The following GALNTL6 variants were observed in gnomAD, a reference collection of about 807,000 sequenced individuals.
GALNTL6 encodes polypeptide N-acetylgalactosaminyltransferase-like 6.
GALNTL6 carries 46 observed loss-of-function variants against 73.7 expected under a neutral mutation model. That is an observed-to-expected ratio of 0.62 (90% CI 0.49 to 0.80). The LOEUF is 0.80. GALNTL6 is among the 30% of genes least tolerant of loss of function. The probability of loss-of-function intolerance (pLI) is 0.00; values close to 1 mark genes in which losing one functional copy is unlikely to be tolerated. For missense variants in GALNTL6, 604 were observed against 755.0 expected, an observed-to-expected ratio of 0.80 and a Z score of 2.34; for synonymous variants, 259 against 263.7, an observed-to-expected ratio of 0.98 and a Z score of 0.17.
chr4:172,210,174 T>C (rs1363195943), intron 2 of GALNTL6, among the ~76,000 whole-genome samples: 1 of 152,096 alleles, frequency 6.6e-6, no homozygotes, highest in African/African-American at 2.4e-5. Context: ...TTAAGACACC[T>C]TATTTTTATC....
At chr4:173,035,926 AAGT>A (rs1262952389) in intron 12 of GALNTL6, among the ~76,000 whole-genome samples, 1 of 152,200 alleles carries the variant, frequency 6.6e-6, no homozygotes, top group Non-Finnish European at 1.5e-5. Flanking sequence ...ACTGAAAACA[AAGT>A]AGTGGAAAGG....
chr4:172,231,686 A>G (rs1560981382), intron 3 of GALNTL6, among the ~76,000 whole-genome samples: 1 of 152,288 alleles, frequency 6.6e-6, no homozygotes, highest in East Asian at 1.9e-4. Context: ...TAAAGAAAAT[A>G]TACCCACAGT....
At chr4:172,990,808 A>G (rs899849025) in intron 10 of GALNTL6, among the ~76,000 whole-genome samples, 12 of 152,246 alleles carry the variant, frequency 7.9e-5, no homozygotes, top group Admixed American at 5.2e-4. Flanking sequence ...TAATCATAAA[A>G]TATACTGAGA....
intron 5 of GALNTL6, among the ~76,000 whole-genome samples, chr4:172,596,087 A>G (rs994385532): frequency 9.9e-5 from 15 of 152,156 alleles, no homozygotes; most frequent in Non-Finnish European, 1.9e-4. Context: ...TCTTTTTACT[A>G]ATTTATTCCT....
intron 5 of GALNTL6, among the ~76,000 whole-genome samples, chr4:172,552,837 T>TAAAAAAAAAAAAAAAAAAAA (rs397933315): frequency 1.2e-4 from 10 of 80,408 alleles, no homozygotes; most frequent in African/African-American, 3.5e-4. Flanking sequence ...GTAATTGCAG[T>TAAAAAAAAAAAAAAAAAAAA]AAAAAAAAAA....
chr4:172,626,348 G>C (rs1026179964), intron 5 of GALNTL6, among the ~76,000 whole-genome samples: 1 of 151,866 alleles, frequency 6.6e-6, no homozygotes. Flanking sequence ...TTCATTTCTG[G>C]GTTCTCTATC....
At chr4:171,987,521 G>A (rs1740138970) in intron 2 of GALNTL6, among the ~76,000 whole-genome samples, 1 of 152,160 alleles carries the variant, frequency 6.6e-6, no homozygotes, top group African/African-American at 2.4e-5. Context: ...TTTCTGACTT[G>A]GGGCATGTTG....
At chr4:172,456,272 C>T (rs1182765042) in intron 5 of GALNTL6, among the ~76,000 whole-genome samples, 1 of 151,808 alleles carries the variant, frequency 6.6e-6, no homozygotes, top group African/African-American at 2.4e-5. Flanking sequence ...CTGAAAATTC[C>T]AAAAACCAGA....
chr4:172,240,482 CAACA>C (rs1157469292), intron 3 of GALNTL6, among the ~76,000 whole-genome samples: 133 of 152,188 alleles, frequency 8.7e-4, no homozygotes, highest in Non-Finnish European at 1.5e-3. Context: ...CCACCCACCT[CAACA>C]TCCCAAAGTG....
intron 2 of GALNTL6, among the ~76,000 whole-genome samples, chr4:172,005,100 A>G: frequency 7.7e-6 from 1 of 129,290 alleles, no homozygotes; most frequent in Non-Finnish European, 1.7e-5. Context: ...CTTCTCTTAA[A>G]AAGCTTTTAT....
intron 2 of GALNTL6, among the ~76,000 whole-genome samples, chr4:171,892,077 A>T (rs1736777549): frequency 6.6e-6 from 1 of 152,218 alleles, no homozygotes; most frequent in African/African-American, 2.4e-5. Flanking sequence ...ACTTTGTTTC[A>T]TGCACACAAT....
intron 5 of GALNTL6, among the ~76,000 whole-genome samples, chr4:172,480,496 GTAAC>G (rs2111480660): frequency 6.6e-6 from 1 of 152,270 alleles, no homozygotes; most frequent in South Asian, 2.1e-4. Context: ...TATTTATTAA[GTAAC>G]TACGATGTAA....
At chr4:172,298,083 G>A (rs2111114585) in intron 3 of GALNTL6, among the ~76,000 whole-genome samples, 1 of 152,248 alleles carries the variant, frequency 6.6e-6, no homozygotes, top group East Asian at 1.9e-4. Flanking sequence ...CTTGTAAGTT[G>A]GATTCCTAGG....
At chr4:172,352,159 A>G (rs1427118804) in intron 5 of GALNTL6, among the ~76,000 whole-genome samples, 1 of 152,206 alleles carries the variant, frequency 6.6e-6, no homozygotes, top group African/African-American at 2.4e-5. Context: ...TAATCACAGA[A>G]TAATGCTAAC....
chr4:172,920,040 T>C (rs1490664867), intron 8 of GALNTL6, among the ~76,000 whole-genome samples: 1 of 152,176 alleles, frequency 6.6e-6, no homozygotes, highest in Non-Finnish European at 1.5e-5. Context: ...TAGAAACTCA[T>C]TAAATGCAAG....
intron 5 of GALNTL6, among the ~76,000 whole-genome samples, chr4:172,439,933 C>T (rs566525158): frequency 4.6e-5 from 7 of 152,122 alleles, no homozygotes; most frequent in Non-Finnish European, 7.4e-5. Flanking sequence ...CATAATCACC[C>T]GAAGTCCCTA....
At chr4:172,227,700 A>T (rs1736916145) in intron 2 of GALNTL6, among the ~76,000 whole-genome samples, 1 of 152,190 alleles carries the variant, frequency 6.6e-6, no homozygotes, top group Non-Finnish European at 1.5e-5. Flanking sequence ...TTCCTGATGC[A>T]TCTGATGCTT....
intron 12 of GALNTL6, among the ~76,000 whole-genome samples, chr4:173,038,930 T>C (rs1753797931): frequency 6.6e-6 from 1 of 152,220 alleles, no homozygotes; most frequent in Non-Finnish European, 1.5e-5. Flanking sequence ...CATTACTTGA[T>C]CTTAAAATAT....
chr4:172,998,828 G>T (rs1018834247), intron 10 of GALNTL6, among the ~76,000 whole-genome samples: 1 of 151,822 alleles, frequency 6.6e-6, no homozygotes, highest in Non-Finnish European at 1.5e-5. Context: ...TCATTCCCTG[G>T]AGTTCCCCCC....
Sources: allele counts gnomAD v4.1 joint callset (sites outside exome capture counted in the v4.1 genomes callset), GRCh38; gene constraint gnomAD v4.1.1; transcripts MANE v1.5; gene names NCBI Gene and HGNC (gene_info 2026-07-23, HGNC 2026-07-21).